XYLT1: variants seen among roughly 807,000 people sequenced by gnomAD.
The protein encoded by XYLT1 is xylosyltransferase 1, also known as beta-D-xylosyltransferase 1.
XYLT1 carries 36 observed loss-of-function variants against 91.3 expected under a neutral mutation model. That is an observed-to-expected ratio of 0.39 (90% confidence interval 0.30 to 0.52). XYLT1 has a LOEUF of 0.52. Among genes scored for constraint, XYLT1 ranks in the 20% least tolerant of loss-of-function variants. The probability of loss-of-function intolerance (pLI) is 0.68; values close to 1 mark genes in which losing one functional copy is unlikely to be tolerated. For missense variants in XYLT1, 1,242 were observed against 1,284.5 expected, an observed-to-expected ratio of 0.97 and a Z score of 0.51; for synonymous variants, 588 against 532.0, an observed-to-expected ratio of 1.11 and a Z score of -1.45.
At chr16:17,188,826 C>T (rs1162989982) in intron 5 of XYLT1, among the ~76,000 whole-genome samples, 2 of 152,130 alleles carry the variant, frequency 1.3e-5, no homozygotes, top group South Asian at 2.1e-4. Flanking sequence ...CATTATTATG[C>T]CCATTTTACA....
In XYLT1 at chr16:17,421,026, C is replaced by T. The variant is rs180832254; in HGVS notation, c.363+49408G>A. Among the ~76,000 whole-genome samples, 8 of 152,282 alleles carry T rather than the reference C, an allele frequency of 5.3e-5. No homozygotes were observed. The South Asian group carries it at 1.0e-3, about 20-fold the overall frequency. ...ACCACAGGTATGCATGTATTAATAT[C>T]GGCTTCCCTTCTGCCACAGCTGTGA... On this transcript the variant is annotated intron_variant, in intron 1 of 11. Transcript: ENST00000261381.
chr16:17,457,536 G>A (rs1338601085), intron 1 of XYLT1, among the ~76,000 whole-genome samples: 2 of 152,186 alleles, frequency 1.3e-5, no homozygotes, highest in African/African-American at 2.4e-5. Context: ...CTTAGGAGAC[G>A]TTTAGCTTAA....
intron 1 of XYLT1, among the ~76,000 whole-genome samples, chr16:17,463,094 ACTTAAAT>A: frequency 6.6e-6 from 1 of 152,200 alleles, no homozygotes; most frequent in Non-Finnish European, 1.5e-5. Flanking sequence ...TAGATTAAAG[ACTTAAAT>A]CTAAGACCCG....
At chr16:17,132,700 C>G (rs894816247) in intron 9 of XYLT1, among the ~76,000 whole-genome samples, 2 of 152,070 alleles carry the variant, frequency 1.3e-5, no homozygotes, top group African/African-American at 4.8e-5. Context: ...GTCAGGAGTT[C>G]GAGACCAGCC....
chr16:17,104,815 C>G lies in XYLT1; in HGVS notation c.*3880G>C, dbSNP rs1004609714. On this transcript the variant is annotated 3_prime_UTR_variant, in exon 12 of 12. Coordinates refer to ENST00000261381, the MANE Select transcript of XYLT1 (RefSeq NM_022166.4). The stretch of plus-strand genomic sequence containing the variant: ...TAGCAGCTGCTCATTCTGGGTAGGT[C>G]ACGTGCATGCCAGTAAGACCACAGT... 14 of 152,146 alleles carry G rather than the reference C, an allele frequency of 9.2e-5. No homozygotes were observed. Among genetic ancestry groups the G allele is most frequent in the Admixed American group, 3.9e-4 (6 of 15,264 alleles). The allele number at this position is 152,146 out of a possible 1,614,324, so 9.4% of individuals were successfully genotyped here. A position where few individuals can be genotyped will look rare whatever the true frequency, so the allele number is the denominator to read the frequency against.
Position 17,112,727 on chromosome 16 carries a change from G to C in XYLT1, c.2558-3710C>G, listed in dbSNP as rs185698908. On this transcript the variant is annotated intron_variant, in intron 11 of 11. Transcript: ENST00000261381. ...GGCTGTCTTTTGCCTGGTTCATGGG[G>C]AAGAAGGAGCAGGCTTCCAGCTCAA... 6.3e-4 allele frequency among the ~76,000 whole-genome samples: 96 copies of C among 152,300 alleles called. 1 individual carries two copies. The highest frequency in any genetic ancestry group is 2.3e-3 in the African/African-American group (94 of 41,574).
chr16:17,384,874 A>G (rs1394951020), intron 1 of XYLT1, among the ~76,000 whole-genome samples: 2 of 152,024 alleles, frequency 1.3e-5, no homozygotes, highest in East Asian at 4.0e-4. Flanking sequence ...CATTCCGTTT[A>G]GTAATAAACT....
At chr16:17,186,511 C>T (rs1042323908) in intron 5 of XYLT1, among the ~76,000 whole-genome samples, 6 of 142,476 alleles carry the variant, frequency 4.2e-5, no homozygotes, top group African/African-American at 1.6e-4. Flanking sequence ...TGCTTTGTTG[C>T]CCAAGCTGGT....
intron 1 of XYLT1, among the ~76,000 whole-genome samples, chr16:17,366,979 T>A (rs1270344702): frequency 6.6e-6 from 1 of 152,032 alleles, no homozygotes; most frequent in Non-Finnish European, 1.5e-5. Flanking sequence ...GAGCACTGAA[T>A]TGGATCAGAT....
intron 2 of XYLT1, among the ~76,000 whole-genome samples, chr16:17,271,335 CACACAGAGAAAG>C (rs1302996111): frequency 3.3e-5 from 5 of 151,682 alleles, no homozygotes; most frequent in African/African-American, 1.2e-4. Flanking sequence ...GAGAGAGAGA[CACACAGAGAAAG>C]ACACAGAGAG....
chr16:17,449,020 G>A lies in XYLT1; in HGVS notation c.363+21414C>T, dbSNP rs149657436. Among the ~76,000 whole-genome samples, 417 of 152,264 alleles carry A rather than the reference G, an allele frequency of 2.7e-3. 4 individuals are homozygous for A. The highest frequency in any genetic ancestry group is 9.5e-3 in the African/African-American group (394 of 41,546). ...AGTCCCCGTGCTTCTCTACTGCATT[G>A]CACTTCATTCCACCAACTGAGACAA... is the stretch of plus-strand genomic sequence containing the variant. On this transcript the variant is annotated intron_variant, in intron 1 of 11. Transcript: ENST00000261381.
chr16:17,168,832 T>C (rs2031759039), intron 5 of XYLT1, among the ~76,000 whole-genome samples: 1 of 152,224 alleles, frequency 6.6e-6, no homozygotes, highest in Non-Finnish European at 1.5e-5. Flanking sequence ...TCCTAAAACA[T>C]GAGTCTGACC....
At chr16:17,424,193 C>T (rs1937876131) in intron 1 of XYLT1, among the ~76,000 whole-genome samples, 1 of 152,174 alleles carries the variant, frequency 6.6e-6, no homozygotes, top group African/African-American at 2.4e-5. Context: ...ATCTGTGTCC[C>T]AATCCAGACT....
intron 10 of XYLT1, among the ~76,000 whole-genome samples, chr16:17,121,031 CCTGT>C (rs1293082049): frequency 6.6e-6 from 1 of 152,180 alleles, no homozygotes; most frequent in Non-Finnish European, 1.5e-5. Context: ...CTATGTATCA[CCTGT>C]CTATCAATCT....
chr16:17,109,608 C>G (rs534828993), intron 11 of XYLT1, among the ~76,000 whole-genome samples: 25 of 152,318 alleles, frequency 1.6e-4, no homozygotes, highest in African/African-American at 5.5e-4. Flanking sequence ...ATGTGGCCCA[C>G]CACTTGTGTT....
chr16:17,342,587 T>G (rs1386514696), intron 2 of XYLT1, among the ~76,000 whole-genome samples: 1 of 151,992 alleles, frequency 6.6e-6, no homozygotes, highest in East Asian at 1.9e-4. Flanking sequence ...TTGGGCGAGG[T>G]GGCGCGTGCC....
At chr16:17,198,147 C>T in intron 5 of XYLT1, 65 bp downstream of exon 5, 2 of 1,574,922 alleles carry the variant, frequency 1.3e-6, no homozygotes, top group Non-Finnish European at 1.7e-6. Flanking sequence ...CTCGTGAGTT[C>T]CCAGCCATGA....
intron 1 of XYLT1, among the ~76,000 whole-genome samples, chr16:17,438,123 A>C (rs182695536): frequency 2.8e-4 from 43 of 152,270 alleles, no homozygotes; most frequent in African/African-American, 8.9e-4. Flanking sequence ...GGGGCCCTTA[A>C]TGGCCAGAGA....
At chr16:17,311,889 A>C (rs979747518) in intron 2 of XYLT1, among the ~76,000 whole-genome samples, 3 of 152,268 alleles carry the variant, frequency 2.0e-5, no homozygotes, top group Admixed American at 6.5e-5. Flanking sequence ...TAAAACCATC[A>C]GATCTCATGA....
Sources: allele counts gnomAD v4.1 joint callset (sites outside exome capture counted in the v4.1 genomes callset), GRCh38; gene constraint gnomAD v4.1.1; transcripts MANE v1.5; gene names NCBI Gene and HGNC (gene_info 2026-07-23, HGNC 2026-07-21).